The following TSHZ2 variants were observed in gnomAD, a reference collection of about 807,000 sequenced individuals.
TSHZ2 encodes teashirt homolog 2.
In TSHZ2, 21 loss-of-function variants were observed where a neutral mutation model predicts 74.4. That is an observed-to-expected ratio of 0.28 (90% CI 0.20 to 0.41). The LOEUF (loss-of-function observed/expected upper bound fraction) is 0.41. Among genes scored for constraint, TSHZ2 ranks in the 10% least tolerant of loss-of-function variants. The pLI, the probability that TSHZ2 is intolerant of heterozygous loss-of-function variation, is 1.00. For synonymous variants in TSHZ2, 540 were observed against 515.3 expected, an observed-to-expected ratio of 1.05 and a Z score of -0.65; for missense variants, 1,244 against 1,293.5, an observed-to-expected ratio of 0.96 and a Z score of 0.59.
intron 2 of TSHZ2, among the ~76,000 whole-genome samples, chr20:53,284,533 G>A (rs1389006406): frequency 6.6e-6 from 1 of 152,166 alleles, no homozygotes; most frequent in Non-Finnish European, 1.5e-5. Context: ...GCACATTAAT[G>A]GGATAATACG....
chr20:53,170,862 C>G (rs1357073235), intron 1 of TSHZ2, among the ~76,000 whole-genome samples: 1 of 151,712 alleles, frequency 6.6e-6, no homozygotes, highest in African/African-American at 2.4e-5. Flanking sequence ...GTCTCTGGCT[C>G]TCCCTCCTCC....
At chr20:53,126,346 A>G (rs1212390069) in intron 1 of TSHZ2, among the ~76,000 whole-genome samples, 4 of 152,324 alleles carry the variant, frequency 2.6e-5, no homozygotes, top group African/African-American at 4.8e-5. Flanking sequence ...GATGCCCTAC[A>G]TGGGGAAAGA....
At chr20:53,352,985 A>C (rs1312818002) in intron 2 of TSHZ2, among the ~76,000 whole-genome samples, 2 of 152,184 alleles carry the variant, frequency 1.3e-5, no homozygotes, top group African/African-American at 4.8e-5. Flanking sequence ...TTTTGCCCTG[A>C]CCACCAGGAA....
At chr20:53,031,199 T>A (rs1439971068) in intron 1 of TSHZ2, among the ~76,000 whole-genome samples, 1 of 152,224 alleles carries the variant, frequency 6.6e-6, no homozygotes, top group Non-Finnish European at 1.5e-5. Flanking sequence ...GACTTGCACA[T>A]AAAGGGCTTG....
At chr20:53,022,450 G>C (rs1407729427) in intron 1 of TSHZ2, among the ~76,000 whole-genome samples, 3 of 152,152 alleles carry the variant, frequency 2.0e-5, no homozygotes, top group African/African-American at 7.2e-5. Flanking sequence ...ATCAATATTT[G>C]ATCAAATTGG....
intron 1 of TSHZ2, among the ~76,000 whole-genome samples, chr20:53,141,328 C>G (rs1381599231): frequency 6.6e-6 from 1 of 152,192 alleles, no homozygotes; most frequent in Non-Finnish European, 1.5e-5. Flanking sequence ...TAGTATCCTT[C>G]CATCACTTCC....
At chr20:53,193,172 A>AG (rs1600733548) in intron 1 of TSHZ2, among the ~76,000 whole-genome samples, 2 of 83,958 alleles carry the variant, frequency 2.4e-5, no homozygotes, top group East Asian at 4.5e-4. Flanking sequence ...ACTTTCAAAA[A>AG]AAAAAAAAGA....
intron 1 of TSHZ2, among the ~76,000 whole-genome samples, chr20:53,229,813 GAA>G (rs908950868): frequency 2.1e-5 from 3 of 146,002 alleles, no homozygotes; most frequent in African/African-American, 7.6e-5. Flanking sequence ...AGGAAGGAAG[GAA>G]AAAAAGAGGG....
At chr20:53,264,821 C>T (rs1430358891) in intron 2 of TSHZ2, among the ~76,000 whole-genome samples, 3 of 152,066 alleles carry the variant, frequency 2.0e-5, no homozygotes, top group Admixed American at 6.5e-5. Context: ...GCATTCCTGT[C>T]GGGGAGATGG....
intron 1 of TSHZ2, among the ~76,000 whole-genome samples, chr20:53,132,642 CT>C (rs1301388273): frequency 6.6e-6 from 1 of 151,982 alleles, no homozygotes; most frequent in African/African-American, 2.4e-5. Flanking sequence ...AAAGGTCCCC[CT>C]CTCTTTCTCT....
chr20:53,028,778 C>T (rs1364922944), intron 1 of TSHZ2, among the ~76,000 whole-genome samples: 2 of 152,124 alleles, frequency 1.3e-5, no homozygotes, highest in Admixed American at 1.3e-4. Flanking sequence ...TTCCTCTGGC[C>T]TGCACTCTGG....
intron 1 of TSHZ2, among the ~76,000 whole-genome samples, chr20:53,087,514 C>A (rs1985734507): frequency 6.6e-6 from 1 of 152,156 alleles, no homozygotes. Flanking sequence ...AGACCATGGA[C>A]CAAAGTTTTA....
At chr20:53,415,182 G>T (rs1983194077) in intron 2 of TSHZ2, among the ~76,000 whole-genome samples, 1 of 152,064 alleles carries the variant, frequency 6.6e-6, no homozygotes, top group African/African-American at 2.4e-5. Context: ...CTCCATTATT[G>T]AAAACCCTTA....
intron 1 of TSHZ2, among the ~76,000 whole-genome samples, chr20:53,036,627 G>T (rs1983828209): frequency 1.4e-5 from 2 of 146,456 alleles, no homozygotes; most frequent in Non-Finnish European, 3.0e-5. Context: ...AGAGAGGTTG[G>T]GTTTATTGCA....
chr20:53,334,542 G>C (rs1236867355), intron 2 of TSHZ2, among the ~76,000 whole-genome samples: 3 of 152,276 alleles, frequency 2.0e-5, no homozygotes, highest in Admixed American at 1.3e-4. Context: ...GGGAGTGAAG[G>C]GTCCGACCGG....
intron 2 of TSHZ2, among the ~76,000 whole-genome samples, chr20:53,355,617 G>C (rs1024047214): frequency 6.6e-6 from 1 of 152,196 alleles, no homozygotes; most frequent in Non-Finnish European, 1.5e-5. Flanking sequence ...GGAATGAAGA[G>C]TGACTGCAAA....
chr20:53,441,416 C>A (rs1984321303), intron 2 of TSHZ2, among the ~76,000 whole-genome samples: 1 of 151,828 alleles, frequency 6.6e-6, no homozygotes, highest in Admixed American at 6.6e-5. Context: ...TAGGCACCCG[C>A]CACCAAAACC....
At chr20:53,017,885 T>C (rs750681815) in intron 1 of TSHZ2, among the ~76,000 whole-genome samples, 13 of 152,226 alleles carry the variant, frequency 8.5e-5, no homozygotes, top group Non-Finnish European at 1.6e-4. Flanking sequence ...CAATAGACTA[T>C]GTAACTTTCA....
At chr20:53,102,911 G>GC (rs1986259650) in intron 1 of TSHZ2, among the ~76,000 whole-genome samples, 1 of 151,332 alleles carries the variant, frequency 6.6e-6, no homozygotes, top group African/African-American at 2.4e-5. Flanking sequence ...GGGTACATGT[G>GC]CCCATTGTGC....
Sources: allele counts gnomAD v4.1 joint callset (sites outside exome capture counted in the v4.1 genomes callset), GRCh38; gene constraint gnomAD v4.1.1; transcripts MANE v1.5; gene names NCBI Gene and HGNC (gene_info 2026-07-23, HGNC 2026-07-21).